Variants in IL1RAPL2 observed in about 807,000 individuals in gnomAD.
IL1RAPL2 encodes X-linked interleukin-1 receptor accessory protein-like 2.
IL1RAPL2 carries 3 observed loss-of-function variants against 44.1 expected under a neutral mutation model. The observed-to-expected ratio is 0.07, with a 90% CI of 0.03 to 0.18. The LOEUF (loss-of-function observed/expected upper bound fraction) is 0.18, where lower values mean the gene tolerates loss of function less well. IL1RAPL2 is among the 10% of genes least tolerant of loss of function. IL1RAPL2 has a pLI of 1.00. For synonymous variants in IL1RAPL2, 181 were observed against 178.8 expected (o/e 1.01, Z -0.10); for missense variants, 391 against 496.4 (o/e 0.79, Z 2.02).
intron 2 of IL1RAPL2, among the ~76,000 whole-genome samples, chrX:104,949,902 T>G (rs754110495): frequency 2.7e-5 from 3 of 111,717 alleles, no homozygotes; most frequent in South Asian, 3.8e-4. Flanking sequence ...TCTGTTTTTT[T>G]GGGGTGGAGA....
At position 104,625,474 on chromosome X, in the gene IL1RAPL2, A is replaced by C. The variant is rs748848279; in HGVS notation, c.-19-33421A>C. On this transcript the variant is annotated intron_variant, in intron 1 of 10. Coordinates refer to ENST00000372582, the MANE Select transcript of IL1RAPL2 (RefSeq NM_017416.2). Reference sequence around the variant, plus strand: ...ATAATGTACTTATTATAATAATGTAAGTATTTATATCAACATTATATTATA... The same window carrying C: ...ATAATGTACTTATTATAATAATGTACGTATTTATATCAACATTATATTATA... Among the ~76,000 whole-genome samples, 203 of 111,583 alleles carry C rather than the reference A, an allele frequency of 1.8e-3. 1 individual carries two copies. The highest frequency in any genetic ancestry group is 3.2e-3 in the Non-Finnish European group (169 of 53,124).
intron 6 of IL1RAPL2, among the ~76,000 whole-genome samples, chrX:105,519,772 G>T (rs2036542210): frequency 9.0e-6 from 1 of 110,939 alleles, no homozygotes; most frequent in South Asian, 3.9e-4. Context: ...GACAATGTGG[G>T]GACTCAATTC....
rs934688669 is a variant in IL1RAPL2, at chrX:105,363,271, A to G, written c.697+95730A>G. The stretch of plus-strand genomic sequence containing the variant: ...ATGTTATATACATGTGTTTATATAT[A>G]TGTGTGTATATATATATAATATATA... On this transcript the variant is annotated intron_variant, in intron 5 of 10. Coordinates refer to ENST00000372582, the MANE Select transcript of IL1RAPL2 (RefSeq NM_017416.2). Among the ~76,000 whole-genome samples the G allele has an allele frequency of 4.2e-3, 362 of 87,012 alleles. 5 individuals carry two copies. The highest frequency in any genetic ancestry group is 0.017 in the African/African-American group (345 of 20,564). 75.6% of individuals were successfully genotyped at this position (87,012 alleles called of 115,157 possible).
intron 2 of IL1RAPL2, among the ~76,000 whole-genome samples, chrX:104,896,096 G>A (rs926561030): frequency 9.0e-6 from 1 of 111,560 alleles, no homozygotes; most frequent in Non-Finnish European, 1.9e-5. Context: ...ACAGGAAAAG[G>A]CTTCTGAAAT....
At position 104,672,917 on chromosome X, in the gene IL1RAPL2, G is replaced by A. The variant is rs1201118207; in HGVS notation, c.82+13922G>A. On this transcript the variant is annotated intron_variant, in intron 2 of 10. Transcript: ENST00000372582. ...CTTCTTTTGAGAAGTGTCTGTTCAT[G>A]TCCTTCGCCCACTTTTTGATAGGAT... 5.4e-5 allele frequency among the ~76,000 whole-genome samples: 6 copies of A among 111,618 alleles called. No individual in the cohort carries two copies. In the East Asian group the frequency reaches 1.4e-3, roughly 26 times the overall value.
At chrX:104,781,820 G>C (rs1932776850) in intron 2 of IL1RAPL2, among the ~76,000 whole-genome samples, 1 of 111,960 alleles carries the variant, frequency 8.9e-6, no homozygotes. Flanking sequence ...GAATGCTGTG[G>C]TCCAAATGTT....
chrX:104,713,767 A>G (rs1267303328), intron 2 of IL1RAPL2, among the ~76,000 whole-genome samples: 1 of 110,821 alleles, frequency 9.0e-6, no homozygotes, highest in Non-Finnish European at 1.9e-5. Context: ...ACCCGTTTCC[A>G]TATAGTGACT....
In IL1RAPL2 at chrX:105,267,380, A is replaced by T; in HGVS notation, c.544-8A>T. 3 of 1,191,761 alleles carry T rather than the reference A, an allele frequency of 2.5e-6. No homozygotes were observed. Among genetic ancestry groups the T allele is most frequent in the Non-Finnish European group, 3.4e-6 (3 of 886,761 alleles). ...TTTTTTGCTTACTTGCAAATATTTT[A>T]TCTGCAGGAATGCAAGCCAAAAATG... On this transcript the variant is annotated splice_region_variant and splice_polypyrimidine_tract_variant and intron_variant, in intron 4 of 10. Coordinates refer to ENST00000372582, the MANE Select transcript of IL1RAPL2 (RefSeq NM_017416.2).
intron 2 of IL1RAPL2, among the ~76,000 whole-genome samples, chrX:104,859,623 T>C (rs982816881): frequency 1.8e-5 from 2 of 112,094 alleles, no homozygotes; most frequent in Non-Finnish European, 3.8e-5. Context: ...TATGAGAGAA[T>C]TGGCCATGAA....
At chrX:105,481,938 A>T (rs1486863991) in intron 5 of IL1RAPL2, among the ~76,000 whole-genome samples, 1 of 112,050 alleles carries the variant, frequency 8.9e-6, no homozygotes, top group East Asian at 2.8e-4. Context: ...TTCAGAGGAC[A>T]CCACTGTTAC....
At position 104,778,522 on chromosome X, in the gene IL1RAPL2, T is replaced by G. The variant is rs1490029031; in HGVS notation, c.82+119527T>G. 6.5e-5 allele frequency among the ~76,000 whole-genome samples: 7 copies of G among 107,682 alleles called. No individual in the cohort carries two copies. In the Admixed American group the frequency reaches 7.1e-4, roughly 11 times the overall value. 93.5% of individuals were successfully genotyped at this position (107,682 alleles called of 115,157 possible). On this transcript the variant is annotated intron_variant, in intron 2 of 10. Coordinates refer to ENST00000372582, the MANE Select transcript of IL1RAPL2 (RefSeq NM_017416.2). ...CTGCAGTGAGCTGTGATCCTGCCAC[T>G]GCATTCCAGCCTGGATGACAGAGTG... is the stretch of plus-strand genomic sequence containing the variant.
At chrX:105,719,760 C>A (rs1342006569) in intron 7 of IL1RAPL2, among the ~76,000 whole-genome samples, 4 of 98,917 alleles carry the variant, frequency 4.0e-5, no homozygotes, top group Admixed American at 1.0e-4. Flanking sequence ...AAAAAAAAAA[C>A]CCTTGAAATT....
At chrX:105,153,688 C>T (rs751511318) in intron 2 of IL1RAPL2, among the ~76,000 whole-genome samples, 1 of 111,559 alleles carries the variant, frequency 9.0e-6, no homozygotes, top group South Asian at 3.8e-4. Context: ...CCCAGAAAGG[C>T]ATGACATCCC....
intron 2 of IL1RAPL2, among the ~76,000 whole-genome samples, chrX:105,009,950 A>T (rs1182602725): frequency 1.8e-5 from 2 of 110,596 alleles, no homozygotes; most frequent in African/African-American, 6.6e-5. Flanking sequence ...CTGGAAAATA[A>T]TCTGTACATA....
At chrX:104,886,517 C>A (rs1457696243) in intron 2 of IL1RAPL2, among the ~76,000 whole-genome samples, 1 of 112,384 alleles carries the variant, frequency 8.9e-6, no homozygotes, top group African/African-American at 3.2e-5. Context: ...GCAGTCCCTG[C>A]AACACCCCAA....
At chrX:104,800,914 G>A in intron 2 of IL1RAPL2, among the ~76,000 whole-genome samples, 1 of 112,637 alleles carries the variant, frequency 8.9e-6, no homozygotes, top group Non-Finnish European at 1.9e-5. Context: ...GGGCCAGTGG[G>A]AGGATATTAG....
chrX:105,222,281 C>T (rs1849685415), intron 3 of IL1RAPL2, among the ~76,000 whole-genome samples: 1 of 112,185 alleles, frequency 8.9e-6, no homozygotes, highest in African/African-American at 3.2e-5. Context: ...ATTCTATGAA[C>T]TACATTTAAA....
At chrX:104,888,281 GGAGA>G (rs1161477214) in intron 2 of IL1RAPL2, among the ~76,000 whole-genome samples, 7 of 104,623 alleles carry the variant, frequency 6.7e-5, no homozygotes, top group Non-Finnish European at 1.2e-4. Flanking sequence ...AGACAAGGAA[GGAGA>G]GAGAGAGGAG....
intron 6 of IL1RAPL2, among the ~76,000 whole-genome samples, chrX:105,666,052 G>A (rs1198607954): frequency 2.9e-5 from 3 of 103,714 alleles, no homozygotes; most frequent in South Asian, 4.3e-4. Context: ...GTGAGCCACC[G>A]CGCCCGGCCG....
Sources: gnomAD v4.1 joint callset for allele counts (sites outside exome capture counted in the v4.1 genomes callset) on GRCh38, gnomAD v4.1.1 for gene constraint, MANE v1.5 for transcripts, NCBI Gene and HGNC (gene_info 2026-07-23, HGNC 2026-07-21) for gene names.